The following SMAD3 variants were observed in gnomAD, a reference collection of about 807,000 sequenced individuals.
The protein encoded by SMAD3 is SMAD family member 3.
Under a neutral mutation model 51.8 loss-of-function variants are expected in SMAD3, and 12 were observed. That is an observed-to-expected ratio of 0.23 (90% CI 0.15 to 0.38). SMAD3 has a LOEUF of 0.38. Ranked by LOEUF, SMAD3 falls within the 10% of genes least tolerant of loss-of-function variation. The pLI is 1.00. For missense variants in SMAD3, 294 were observed against 565.6 expected (o/e 0.52, Z 4.87); for synonymous variants, 238 against 227.7 (o/e 1.05, Z -0.41).
At chr15:67,110,277 C>T (rs1443903762) in intron 1 of SMAD3, among the ~76,000 whole-genome samples, 1 of 152,152 alleles carries the variant, frequency 6.6e-6, no homozygotes, top group Non-Finnish European at 1.5e-5. Flanking sequence ...CATATAGATG[C>T]AGTGACTCTT....
In SMAD3 at chr15:67,193,694, ATTTTT is replaced by A. The variant is rs747191952; in HGVS notation, c.*3167_*3171del. On this transcript the variant is annotated 3_prime_UTR_variant, in exon 9 of 9. Coordinates refer to ENST00000327367, the MANE Select transcript of SMAD3 (RefSeq NM_005902.4). ...ATTGTCCTTATGTTGTCTGTGTTGT[ATTTTT>A]TTTTTTTTATTGACCATGGTGATTA... 5.3e-6 allele frequency: 1 copy of A among 190,216 alleles called. No individual in the cohort carries two copies. The highest frequency in any genetic ancestry group is 1.1e-5 in the Non-Finnish European group (1 of 93,888). The allele number at this position is 190,216 out of a possible 1,614,324, so 11.8% of individuals were successfully genotyped here.
rs539870272 is a variant in SMAD3, at chr15:67,165,163, G to A, written c.400+75G>A. ...CCTCTCCCCGGCTCCCCATCCCCCC[G>A]AGGGTCTGCGGTGCACTTGGGGGTG... On this transcript the variant is annotated intron_variant, in intron 2 of 8. Transcript: ENST00000327367. 1.4e-5 allele frequency: 22 copies of A among 1,611,164 alleles called. No homozygotes were observed. The highest frequency in any genetic ancestry group is 4.5e-5 in the East Asian group (2 of 44,872).
chr15:67,162,282 A>G (rs1314282353), intron 1 of SMAD3, among the ~76,000 whole-genome samples: 1 of 152,206 alleles, frequency 6.6e-6, no homozygotes, highest in Admixed American at 6.5e-5. Context: ...GAAGGCACAG[A>G]GGGAAAGCTT....
intron 1 of SMAD3, among the ~76,000 whole-genome samples, chr15:67,078,335 C>T (rs1440682389): frequency 6.6e-6 from 1 of 152,216 alleles, no homozygotes; most frequent in Non-Finnish European, 1.5e-5. Flanking sequence ...GTGCCTGACA[C>T]AGTGCCTTCA....
At chr15:67,137,857 C>T in intron 1 of SMAD3, 1 of 559,648 alleles carries the variant, frequency 1.8e-6, no homozygotes. Context: ...AACAAGCTTG[C>T]AAAGTACTGT....
intron 1 of SMAD3, among the ~76,000 whole-genome samples, chr15:67,152,297 G>C (rs1170081130): frequency 6.6e-6 from 1 of 152,156 alleles, no homozygotes; most frequent in Non-Finnish European, 1.5e-5. Flanking sequence ...CTGTCCTATG[G>C]GTTATTTTCT....
intron 1 of SMAD3, among the ~76,000 whole-genome samples, chr15:67,070,522 G>GT (rs1244743771): frequency 6.6e-6 from 1 of 151,848 alleles, no homozygotes; most frequent in Admixed American, 6.6e-5. Flanking sequence ...AATTTTTTAG[G>GT]TACCAGAGGA....
intron 5 of SMAD3, among the ~76,000 whole-genome samples, chr15:67,172,509 C>T (rs963029259): frequency 6.6e-6 from 1 of 152,204 alleles, no homozygotes; most frequent in African/African-American, 2.4e-5. Flanking sequence ...CACCTGGACT[C>T]CCAGTGTCAT....
At chr15:67,104,577 G>A (rs1219688139) in intron 1 of SMAD3, among the ~76,000 whole-genome samples, 5 of 152,120 alleles carry the variant, frequency 3.3e-5, no homozygotes, top group Non-Finnish European at 5.9e-5. Flanking sequence ...TTGGGGCAGT[G>A]TCCTTTTTCC....
rs771384141 is a variant in SMAD3 at position 67,184,788 on chromosome 15, C to T, written c.933C>T (p.Ser311=). The T allele has an allele frequency of 7.6e-5, 123 of 1,613,810 alleles. No individual in the cohort carries two copies. The highest frequency in any genetic ancestry group is 1.0e-4 in the Non-Finnish European group (122 of 1,180,038). ...GEVFAECLSD[S]AIFVQSPNCN... ...TCTTCGCAGAGTGCCTCAGTGACAG[C>T]GCTATTTTTGTCCAGTCTCCCAACT... Residue 311 remains serine, a synonymous_variant, in exon 7 of 9, where the codon AGC becomes AGT. Transcript: ENST00000327367.
chr15:67,164,767 A>T (rs1290127896), intron 1 of SMAD3, 128 bp from the exon 2 acceptor site: 16 of 992,964 alleles, frequency 1.6e-5, no homozygotes, highest in Non-Finnish European at 2.6e-5. Context: ...GATCTCCTGG[A>T]CCTCTGGATC....
chr15:67,182,352 A>G (rs1465240759), intron 6 of SMAD3, among the ~76,000 whole-genome samples: 3 of 152,204 alleles, frequency 2.0e-5, no homozygotes, highest in Non-Finnish European at 4.4e-5. Context: ...TTATGAAGTT[A>G]TCAAGCTTAG....
At chr15:67,186,542 C>T (rs1963227324) in intron 7 of SMAD3, 1 of 154,816 alleles carries the variant, frequency 6.5e-6, no homozygotes, top group East Asian at 1.9e-4. Context: ...AAGCGTCACC[C>T]CGGCTCACCT....
chr15:67,105,343 A>G (rs1055203551), intron 1 of SMAD3, among the ~76,000 whole-genome samples: 67 of 152,212 alleles, frequency 4.4e-4, no homozygotes, highest in Middle Eastern at 3.4e-3. Flanking sequence ...GGGGTAGGGG[A>G]ACAAGATCAT....
intron 1 of SMAD3, among the ~76,000 whole-genome samples, chr15:67,101,334 C>T (rs1303923749): frequency 6.6e-6 from 1 of 152,168 alleles, no homozygotes; most frequent in African/African-American, 2.4e-5. Context: ...CCTGTTGGCC[C>T]CAGCACAGGG....
intron 1 of SMAD3, among the ~76,000 whole-genome samples, chr15:67,152,544 A>G (rs1962175363): frequency 6.6e-6 from 1 of 152,212 alleles, no homozygotes; most frequent in Admixed American, 6.5e-5. Flanking sequence ...GCTGAGGTGA[A>G]GTCCACTGTT....
At chr15:67,187,611 G>A (rs1055404212) in intron 8 of SMAD3, 102 bp downstream of exon 8, 29 of 1,433,810 alleles carry the variant, frequency 2.0e-5, no homozygotes, top group African/African-American at 4.2e-5. Context: ...CAGCCCTAGC[G>A]TCAAGAGCAG....
intron 1 of SMAD3, among the ~76,000 whole-genome samples, chr15:67,159,386 A>G (rs544087052): frequency 1.3e-5 from 2 of 152,290 alleles, no homozygotes; most frequent in South Asian, 2.1e-4. Context: ...TTTAGATGAA[A>G]AATATTAAGA....
rs80174326 is a variant in SMAD3, at chr15:67,105,124, C to G, written c.206+38764C>G. ...GGCCCTTTCTTTCCAAAGAAAGATC[C>G]CTGGCCTGGAGTTTTTGTCTCAGCT... On this transcript the variant is annotated intron_variant, in intron 1 of 8. Transcript: ENST00000327367. 0.013 allele frequency among the ~76,000 whole-genome samples: 1,905 copies of G among 152,324 alleles called. 63 individuals are homozygous for G. The East Asian group carries it at 0.13, about 10-fold the overall frequency.
Sources: allele counts gnomAD v4.1 joint callset (sites outside exome capture counted in the v4.1 genomes callset), GRCh38; gene constraint gnomAD v4.1.1; transcripts MANE v1.5; gene names NCBI Gene and HGNC (gene_info 2026-07-23, HGNC 2026-07-21).